The following BCAS3 variants were observed in gnomAD, a reference collection of about 807,000 sequenced individuals.
BCAS3 encodes the protein BCAS4/BCAS3 fusion.
In BCAS3, 53 loss-of-function variants were observed where a neutral mutation model predicts 116.1. The observed-to-expected ratio is 0.46, with a 90% CI of 0.37 to 0.57. The LOEUF (loss-of-function observed/expected upper bound fraction) is 0.57. BCAS3 is among the 20% of genes least tolerant of loss of function. The pLI is 0.00. For synonymous variants in BCAS3, 391 were observed against 408.2 expected (o/e 0.96, Z 0.51); for missense variants, 917 against 1,165.4 (o/e 0.79, Z 3.10).
intron 6 of BCAS3, among the ~76,000 whole-genome samples, chr17:60,798,204 C>T (rs1327602169): frequency 2.0e-5 from 3 of 152,212 alleles, no homozygotes; most frequent in Admixed American, 6.5e-5. Context: ...CATTAGGATT[C>T]TCTTGGTCTA....
At chr17:60,764,041 G>T (rs1342177214) in intron 6 of BCAS3, among the ~76,000 whole-genome samples, 4 of 151,900 alleles carry the variant, frequency 2.6e-5, no homozygotes, top group Admixed American at 2.0e-4. Flanking sequence ...TCGCTGGTGA[G>T]ATCCCCTTTA....
chr17:60,726,142 G>A (rs893783175), intron 5 of BCAS3, among the ~76,000 whole-genome samples: 1 of 150,396 alleles, frequency 6.6e-6, no homozygotes, highest in Admixed American at 6.7e-5. Flanking sequence ...TGATAAGACC[G>A]CCTTGGCCTC....
rs2075598831 is a variant in BCAS3 at position 61,118,329 on chromosome 17, C to G, written c.2425+33765C>G. 6.6e-6 allele frequency among the ~76,000 whole-genome samples: 1 copy of G among 152,162 alleles called. No homozygotes were observed. The highest frequency in any genetic ancestry group is 1.9e-4 in the East Asian group (1 of 5,190). ...GACAGTGCATTAGTGCTGGATGATA[C>G]AGTCAAAGTCCAAAAAGGGATTCTC... On this transcript the variant is annotated intron_variant, in intron 22 of 23. Transcript: ENST00000407086. The surrounding 1 kb of genome is among the most constrained non-coding windows in gnomAD (Gnocchi z 5.0).
chr17:60,985,193 G>A (rs964020484), intron 14 of BCAS3, among the ~76,000 whole-genome samples: 6 of 145,002 alleles, frequency 4.1e-5, no homozygotes, highest in Non-Finnish European at 9.0e-5. Flanking sequence ...CTGCCCAGGT[G>A]GGAGTGCAGT....
intron 15 of BCAS3, among the ~76,000 whole-genome samples, chr17:60,991,593 A>T (rs2063529617): frequency 6.6e-6 from 1 of 152,194 alleles, no homozygotes; most frequent in African/African-American, 2.4e-5. Context: ...TTATATAGAG[A>T]GATTGTGGTT....
At chr17:61,040,610 T>G (rs1218955234) in intron 18 of BCAS3, among the ~76,000 whole-genome samples, 182 bp from the exon 19 acceptor site, 2 of 152,228 alleles carry the variant, frequency 1.3e-5, no homozygotes, top group Middle Eastern at 6.3e-3. Flanking sequence ...CTTTTTATTT[T>G]TTCTAAGCAG....
chr17:61,172,992 A>AAATAAATG (rs1555761108), intron 22 of BCAS3, among the ~76,000 whole-genome samples: 1 of 151,552 alleles, frequency 6.6e-6, no homozygotes, highest in Non-Finnish European at 1.5e-5. Context: ...CATCTCAAAT[A>AAATAAATG]AATAAATAAA....
At chr17:60,688,730 C>T in intron 3 of BCAS3, among the ~76,000 whole-genome samples, 1 of 151,254 alleles carries the variant, frequency 6.6e-6, no homozygotes, top group East Asian at 2.0e-4. Context: ...GCAGGAGAAT[C>T]ACTTGAACCC....
intron 1 of BCAS3, 64 bp downstream of exon 1, chr17:60,677,978 G>A (rs2032250691): frequency 6.5e-6 from 1 of 154,004 alleles, no homozygotes; most frequent in Non-Finnish European, 1.4e-5. Flanking sequence ...CTGGCGGCGT[G>A]AGGGGACTGG....
rs1389225142 is a variant in BCAS3, at chr17:61,364,230, A to C, written c.2426-4097A>C. On this transcript the variant is annotated intron_variant, in intron 22 of 23. Transcript: ENST00000407086. The surrounding 1 kb of genome is among the most constrained non-coding windows in gnomAD (Gnocchi z 5.4). ...TCAACTTCCTAGCTGTGCGCATGCG[A>C]AGAGAGAACAGACCCACTATCAAAT... Among the ~76,000 whole-genome samples, 1 of 152,176 alleles carries C rather than the reference A, an allele frequency of 6.6e-6. No homozygotes were observed. Among genetic ancestry groups the C allele is most frequent in the African/African-American group, 2.4e-5 (1 of 41,444 alleles).
rs992507292 is a variant in BCAS3 at position 61,087,954 on chromosome 17, G to A, written c.2425+3390G>A. ...TCCTAGCACTTTGGGAGGCCGAAGC[G>A]GTGGATCACTTGAGGTCAGGTGTTT... On this transcript the variant is annotated intron_variant, in intron 22 of 23. Coordinates refer to ENST00000407086, the MANE Select transcript of BCAS3 (RefSeq NM_017679.5). This position sits in a 1 kb window ranked among gnomAD's most constrained non-coding sequence, Gnocchi z 4.6. Among the ~76,000 whole-genome samples, 3 of 152,080 alleles carry A rather than the reference G, an allele frequency of 2.0e-5. No individual in the cohort carries two copies. The highest frequency in any genetic ancestry group is 7.2e-5 in the African/African-American group (3 of 41,396).
chr17:61,089,075 G>GT, intron 22 of BCAS3, among the ~76,000 whole-genome samples: 1 of 152,090 alleles, frequency 6.6e-6, no homozygotes, highest in Non-Finnish European at 1.5e-5. Flanking sequence ...CAGACTTGGG[G>GT]TTTTTTGTTG....
chr17:61,314,289 T>C (rs1327498753), intron 22 of BCAS3, among the ~76,000 whole-genome samples: 1 of 152,192 alleles, frequency 6.6e-6, no homozygotes, highest in Non-Finnish European at 1.5e-5. Context: ...CCCACAAACC[T>C]AAAAGCCCTC....
intron 6 of BCAS3, among the ~76,000 whole-genome samples, chr17:60,781,798 C>T (rs936673611): frequency 8.5e-5 from 13 of 152,196 alleles, no homozygotes; most frequent in East Asian, 7.7e-4. Flanking sequence ...TTTTTTCCTA[C>T]GTTAGTTAAT....
chr17:61,366,977 G>C lies in BCAS3; in HGVS notation c.2426-1350G>C, dbSNP rs1451671439. Among the ~76,000 whole-genome samples the C allele has an allele frequency of 6.6e-6, 1 of 152,204 alleles. No homozygotes were observed. The highest frequency in any genetic ancestry group is 1.5e-5 in the Non-Finnish European group (1 of 68,032). Reference sequence around the variant, plus strand: ...CCGGCTGTCGGAGTGTTTACTAACGGTTATCACCTCAATGCTGTGGCCATT... The same window carrying C: ...CCGGCTGTCGGAGTGTTTACTAACGCTTATCACCTCAATGCTGTGGCCATT... On this transcript the variant is annotated intron_variant, in intron 22 of 23. Coordinates refer to ENST00000407086, the MANE Select transcript of BCAS3 (RefSeq NM_017679.5). This position sits in a 1 kb window ranked among gnomAD's most constrained non-coding sequence, Gnocchi z 4.5.
At chr17:61,175,718 A>G (rs1312889665) in intron 22 of BCAS3, among the ~76,000 whole-genome samples, 3 of 152,234 alleles carry the variant, frequency 2.0e-5, no homozygotes, top group African/African-American at 7.2e-5. Context: ...ATATTAACGG[A>G]AGCTACACAT....
chr17:61,267,432 T>A (rs116010354), intron 22 of BCAS3, among the ~76,000 whole-genome samples: 6,459 of 151,860 alleles, frequency 0.043, 446 homozygotes, highest in African/African-American at 0.15. Flanking sequence ...GACTTTTATT[T>A]TTTGAAAAGA....
In BCAS3 at chr17:61,105,682, C is replaced by T. The variant is rs915222346; in HGVS notation, c.2425+21118C>T. Among the ~76,000 whole-genome samples, 1 of 152,036 alleles carries T rather than the reference C, an allele frequency of 6.6e-6. No homozygotes were observed. Among genetic ancestry groups the T allele is most frequent in the Admixed American group, 6.5e-5 (1 of 15,268 alleles). ...CCTCAGGTGATCCACCTGCCTCGGC[C>T]TCCCAAAGTGCTGGGATTACAGGTG... is the stretch of plus-strand genomic sequence containing the variant. On this transcript the variant is annotated intron_variant, in intron 22 of 23. Coordinates refer to ENST00000407086, the MANE Select transcript of BCAS3 (RefSeq NM_017679.5). The surrounding 1 kb of genome is among the most constrained non-coding windows in gnomAD (Gnocchi z 4.3).
chr17:60,870,511 A>T (rs2055008539), intron 8 of BCAS3, among the ~76,000 whole-genome samples: 1 of 152,228 alleles, frequency 6.6e-6, no homozygotes, highest in Non-Finnish European at 1.5e-5. Context: ...AAGGGTAATA[A>T]GTCTTCAAAT....
Sources: gnomAD v4.1 joint callset for allele counts (sites outside exome capture counted in the v4.1 genomes callset) on GRCh38, gnomAD v4.1.1 for gene constraint, Gnocchi (gnomAD v3.1) non-coding constraint, MANE v1.5 for transcripts, NCBI Gene and HGNC (gene_info 2026-07-23, HGNC 2026-07-21) for gene names.